Variants in UBXN11 observed in about 807,000 individuals in gnomAD.
UBXN11 encodes UBX domain-containing protein 11.
Under a neutral mutation model 62.8 loss-of-function variants are expected in UBXN11, and 47 were observed. The ratio of observed to expected loss-of-function variants is 0.75; its 90% CI spans 0.59 to 0.95. The LOEUF (loss-of-function observed/expected upper bound fraction) is 0.95, where lower values mean the gene tolerates loss of function less well. Ranked by LOEUF, UBXN11 falls within the 40% of genes least tolerant of loss-of-function variation. The pLI, the probability that UBXN11 is intolerant of heterozygous loss-of-function variation, is 0.00. For synonymous variants in UBXN11, 294 were observed against 267.0 expected (o/e 1.10, Z -0.99); for missense variants, 638 against 661.7 (o/e 0.96, Z 0.39).
intron 1 of UBXN11, among the ~76,000 whole-genome samples, chr1:26,316,421 G>A (rs1461495669): frequency 6.6e-6 from 1 of 151,958 alleles, no homozygotes; most frequent in Non-Finnish European, 1.5e-5. Context: ...AGAGTGTGAA[G>A]GGAGAGTGGG....
Position 26,297,412 on chromosome 1 carries a change from C to G in UBXN11, c.355+15G>C. 2.0e-6 allele frequency: 3 copies of G among 1,533,984 alleles called. No individual in the cohort carries two copies. The highest frequency in any genetic ancestry group is 8.8e-7 in the Non-Finnish European group (1 of 1,140,148). ...CTGACTGGGGGCGCAGGTCAGCCCT[C>G]CAAGAGCCCCCTACCTGGGTGTGGC... On this transcript the variant is annotated intron_variant, in intron 6 of 14. Coordinates refer to ENST00000374222, the MANE Select transcript of UBXN11 (RefSeq NM_001389556.1).
chr1:26,298,024 TCATGAAGGC>T lies in UBXN11; in HGVS notation c.229_237del (p.Ala77_Met79del). The T allele has an allele frequency of 6.2e-7, 1 of 1,613,872 alleles. No individual in the cohort carries two copies. The highest frequency in any genetic ancestry group is 8.5e-7 in the Non-Finnish European group (1 of 1,179,960). Reference sequence around the variant, plus strand: ...TGCTCCAGGTCCCACAACTTCCTCGTCATGAAGGCCATCAGCTCCGAGTCATGGGATGCA... The same window carrying T: ...TGCTCCAGGTCCCACAACTTCCTCGTCATCAGCTCCGAGTCATGGGATGCA... On this transcript the variant is annotated inframe_deletion, in exon 5 of 15. Transcript: ENST00000374222.
intron 1 of UBXN11, among the ~76,000 whole-genome samples, chr1:26,315,863 T>C (rs776090428): frequency 6.6e-6 from 1 of 152,104 alleles, no homozygotes; most frequent in Non-Finnish European, 1.5e-5. Context: ...TTTCACCATG[T>C]TGGCCAGGCT....
intron 7 of UBXN11, 99 bp from the exon 8 acceptor site, chr1:26,294,430 T>C: frequency 3.3e-6 from 5 of 1,531,528 alleles, no homozygotes; most frequent in African/African-American, 1.4e-5. Context: ...CTGCAGGCAA[T>C]GGGGCCCCCA....
Position 26,282,529 on chromosome 1 carries a change from G to A in UBXN11, c.1333C>T (p.Pro445Ser). The A allele has an allele frequency of 6.3e-7, 1 of 1,596,490 alleles. No individual in the cohort carries two copies. Among genetic ancestry groups the A allele is most frequent in the Middle Eastern group, 1.7e-4 (1 of 6,004 alleles). ...ASAFEIFSTF[P>S]PTLYQDDTLT... ...GTATCGTCCTGGTAGAGGGTGGGCGGGAATGTGCTGAAGATCTCAAAGGCA... is the reference window on the plus strand; with the variant it reads ...GTATCGTCCTGGTAGAGGGTGGGCGAGAATGTGCTGAAGATCTCAAAGGCA... Residue 445 changes from proline to serine, a missense_variant, in exon 15 of 15, where the codon CCG becomes TCG. Coordinates refer to ENST00000374222, the MANE Select transcript of UBXN11 (RefSeq NM_001389556.1).
chr1:26,284,464 GA>G lies in UBXN11; in HGVS notation c.870del (p.Gln291ArgfsTer22). 1 of 1,604,862 alleles carries G rather than the reference GA, an allele frequency of 6.2e-7. No homozygotes were observed. The highest frequency in any genetic ancestry group is 8.5e-7 in the Non-Finnish European group (1 of 1,173,810). ...GVPFKVSDLRNQVYLEDGLDP... is the reference protein window; with the variant it reads ...GVPFKVSDLRXQVYLEDGLDP... ...TCCAGTCCATCCTCCAGGTAGACCTGATTGCGCAAGTCACTCACCTGGCAAG... is the reference window on the plus strand; with the variant it reads ...TCCAGTCCATCCTCCAGGTAGACCTGTTGCGCAAGTCACTCACCTGGCAAG... On this transcript the variant is annotated frameshift_variant, in exon 11 of 15. Coordinates refer to ENST00000374222, the MANE Select transcript of UBXN11 (RefSeq NM_001389556.1). LOFTEE classifies it high-confidence loss of function.
intron 1 of UBXN11, among the ~76,000 whole-genome samples, chr1:26,312,082 T>G (rs2073749679): frequency 6.6e-6 from 1 of 152,076 alleles, no homozygotes; most frequent in African/African-American, 2.4e-5. Flanking sequence ...TGGCCTCTCC[T>G]TCCAATGAGA....
chr1:26,313,644 G>A (rs11247909), intron 1 of UBXN11, among the ~76,000 whole-genome samples: 24,401 of 152,036 alleles, frequency 0.16, 2,051 homozygotes, highest in Middle Eastern at 0.21. Flanking sequence ...ACTTTCTTAC[G>A]ATCTTTACTT....
chr1:26,311,900 T>C (rs1404873898), intron 1 of UBXN11, among the ~76,000 whole-genome samples: 5 of 152,234 alleles, frequency 3.3e-5, no homozygotes, highest in Non-Finnish European at 7.3e-5. Flanking sequence ...CAAGTCTCTT[T>C]AGCAGAATAC....
chr1:26,286,171 A>G, intron 8 of UBXN11, 134 bp from the exon 9 acceptor site: 1 of 700,972 alleles, frequency 1.4e-6, no homozygotes. Context: ...GGAAAAGGAC[A>G]ACGCTAGATA....
At chr1:26,285,567 G>A (rs2073110027) in intron 9 of UBXN11, 26 bp from the exon 10 acceptor site, 1 of 1,540,184 alleles carries the variant, frequency 6.5e-7, no homozygotes, top group Non-Finnish European at 8.8e-7. Flanking sequence ...AAAAGTGAGG[G>A]GGTGGCCTGG....
Position 26,296,927 on chromosome 1 carries a change from C to T in UBXN11, c.424G>A (p.Glu142Lys), listed in dbSNP as rs1312378450. 2.5e-6 allele frequency: 4 copies of T among 1,604,122 alleles called. No homozygotes were observed. In the South Asian group the frequency reaches 3.4e-5, roughly 13 times the overall value. ...GGGCCCAGCTCTCTCACCTCCATCT[C>T]CCTGACCTGCCGCTGCAGCTGCACA... ...MCVQLQRQVR[E>K]MERFLSDYGL... is the part of the protein sequence containing the mutation. Residue 142 changes from glutamate to lysine, a missense_variant, in exon 7 of 15, where the codon GAG becomes AAG. Glu to Lys is a moderately conservative substitution (Grantham distance 56). Coordinates refer to ENST00000374222, the MANE Select transcript of UBXN11 (RefSeq NM_001389556.1).
At chr1:26,284,766 G>T in intron 10 of UBXN11, 1 of 1,222,512 alleles carries the variant, frequency 8.2e-7, no homozygotes, top group Non-Finnish European at 1.0e-6. Flanking sequence ...GGCAGAGTGT[G>T]AGGGGGTCAG....
intron 2 of UBXN11, 82 bp from the exon 3 acceptor site, chr1:26,301,804 A>C: frequency 6.4e-7 from 1 of 1,568,570 alleles, no homozygotes; most frequent in Non-Finnish European, 8.7e-7. Flanking sequence ...TGGGCACCGG[A>C]CTTCAGCCAA....
intron 1 of UBXN11, among the ~76,000 whole-genome samples, chr1:26,305,146 G>A (rs1557691127): frequency 6.6e-6 from 1 of 152,106 alleles, no homozygotes; most frequent in South Asian, 2.1e-4. Flanking sequence ...TGTCGCCCAG[G>A]CTGGAGAGCA....
Position 26,285,470 on chromosome 1 carries a change from G to A in UBXN11, c.846C>T (p.Pro282=), listed in dbSNP as rs758111110. 1.6e-5 allele frequency: 25 copies of A among 1,611,444 alleles called. No individual in the cohort carries two copies. The highest frequency in any genetic ancestry group is 1.8e-5 in the Non-Finnish European group (21 of 1,178,504). Residue 282 remains proline (P), a synonymous_variant, in exon 10 of 15, where the codon CCC becomes CCT. Transcript: ENST00000374222. ...ELQRLYPNGV[P]FKVSDLRNQV... ...TTGAGGAGCAGCTTATCACCTTAAAGGGGACCCCATTGGGGTACAGTCGCT... is the reference window on the plus strand; with the variant it reads ...TTGAGGAGCAGCTTATCACCTTAAAAGGGACCCCATTGGGGTACAGTCGCT...
chr1:26,294,087 G>T, intron 8 of UBXN11, 118 bp downstream of exon 8: 1 of 1,472,582 alleles, frequency 6.8e-7, no homozygotes, highest in Non-Finnish European at 9.1e-7. Context: ...GGCTCTCAGG[G>T]CGTCTTGGGT....
intron 2 of UBXN11, 61 bp from the exon 3 acceptor site, chr1:26,301,783 G>T: frequency 6.2e-7 from 1 of 1,604,886 alleles, no homozygotes; most frequent in African/African-American, 1.3e-5. Flanking sequence ...ATGATACCAG[G>T]GATAAGGCTC....
At chr1:26,303,168 C>T (rs2073580396) in intron 1 of UBXN11, 1 of 319,734 alleles carries the variant, frequency 3.1e-6, no homozygotes, top group African/African-American at 2.1e-5. Context: ...TGGGAAAGTA[C>T]TGTGAGGGTG....
Sources: gnomAD v4.1 joint callset for allele counts (sites outside exome capture counted in the v4.1 genomes callset) on GRCh38, gnomAD v4.1.1 for gene constraint, MANE v1.5 for transcripts, NCBI Gene and HGNC (gene_info 2026-07-23, HGNC 2026-07-21) for gene names.